The following TRAK1 variants were observed in gnomAD, a reference collection of about 807,000 sequenced individuals.
The protein encoded by TRAK1 is trafficking kinesin protein 1.
In TRAK1, 33 loss-of-function variants were observed where a neutral mutation model predicts 92.1. The observed-to-expected ratio is 0.36, with a 90% CI of 0.27 to 0.48. The LOEUF (loss-of-function observed/expected upper bound fraction) is 0.48. Among genes scored for constraint, TRAK1 ranks in the 20% least tolerant of loss-of-function variants. TRAK1 has a pLI of 0.99. For missense variants in TRAK1, 1,123 were observed against 1,257.9 expected, an observed-to-expected ratio of 0.89 and a Z score of 1.62; for synonymous variants, 521 against 517.3, an observed-to-expected ratio of 1.01 and a Z score of -0.10.
intron 13 of TRAK1, chr3:42,203,055 T>C: frequency 1.6e-6 from 2 of 1,239,024 alleles, no homozygotes; most frequent in South Asian, 8.1e-5. Context: ...AAATAAAAAC[T>C]TTTGTGGCGG....
At chr3:42,013,133 A>T (rs1286643695), upstream of TRAK1, among the ~76,000 whole-genome samples, 1 of 151,910 alleles carries the variant, frequency 6.6e-6, no homozygotes, top group Non-Finnish European at 1.5e-5. The surrounding 1 kb of genome is among the most constrained non-coding windows in gnomAD (Gnocchi z 5.1). Flanking sequence ...CCTGCCTGTC[A>T]CCCTTTGGTG....
chr3:42,153,234 T>C (rs1325322398), intron 2 of TRAK1, among the ~76,000 whole-genome samples: 1 of 151,938 alleles, frequency 6.6e-6, no homozygotes, highest in Non-Finnish European at 1.5e-5. Context: ...TGACATCCTG[T>C]CTGTACAAAA....
rs137952046 is a variant in TRAK1 at position 42,224,149 on chromosome 3, C to T, written c.*412C>T. 7,503 of 455,230 alleles carry T rather than the reference C, an allele frequency of 0.016. 108 individuals carry two copies. The highest frequency in any genetic ancestry group is 0.038 in the South Asian group (2,438 of 63,942). 28.2% of individuals were successfully genotyped at this position (455,230 alleles called of 1,614,324 possible). A position where few individuals can be genotyped will look rare whatever the true frequency, so the allele number is the denominator to read the frequency against. On this transcript the variant is annotated 3_prime_UTR_variant, in exon 16 of 16. Coordinates refer to ENST00000327628, the MANE Select transcript of TRAK1 (RefSeq NM_001042646.3). ...GCACACCACGAGCTGTCACGCGGCA[C>T]GGGTCATAACACATCTGGGTGTCAT...
intron 2 of TRAK1, among the ~76,000 whole-genome samples, chr3:42,169,693 G>A (rs75472375): frequency 6.6e-6 from 1 of 151,072 alleles, no homozygotes; most frequent in Non-Finnish European, 1.5e-5. Context: ...AAAAAGTGGG[G>A]ATAAAAGTAT....
intron 1 of TRAK1, among the ~76,000 whole-genome samples, chr3:42,105,625 C>T (rs1195457642): frequency 6.6e-6 from 1 of 152,128 alleles, no homozygotes; most frequent in African/African-American, 2.4e-5. Context: ...ACTTCCCCAA[C>T]CTAGCGAGGC....
At chr3:42,139,888 G>A (rs981027047) in intron 2 of TRAK1, among the ~76,000 whole-genome samples, 1 of 152,120 alleles carries the variant, frequency 6.6e-6, no homozygotes, top group Non-Finnish European at 1.5e-5. Flanking sequence ...ATACGGGGCC[G>A]TTTGAGCTTC....
intron 2 of TRAK1, among the ~76,000 whole-genome samples, chr3:42,136,969 G>A (rs11709083): frequency 0.49 from 74,050 of 152,024 alleles, 18,314 homozygotes; most frequent in South Asian, 0.61. Flanking sequence ...GTGAGCTACC[G>A]TGCCTGGACA....
intron 2 of TRAK1, among the ~76,000 whole-genome samples, chr3:42,174,159 G>C (rs940264076): frequency 6.6e-6 from 1 of 151,672 alleles, no homozygotes; most frequent in Non-Finnish European, 1.5e-5. Context: ...CCCAAGTTAG[G>C]ATTACAGGCA....
chr3:42,125,880 T>C (rs1257081073), intron 2 of TRAK1, among the ~76,000 whole-genome samples: 6 of 152,218 alleles, frequency 3.9e-5, no homozygotes, highest in Non-Finnish European at 7.3e-5. Context: ...AGATGGAGTC[T>C]AGCTCTCTTG....
At chr3:42,024,902 A>G (rs759100901) in intron 1 of TRAK1, among the ~76,000 whole-genome samples, 4 of 152,192 alleles carry the variant, frequency 2.6e-5, no homozygotes, top group Non-Finnish European at 5.9e-5. Context: ...CAGATTTTTC[A>G]GCTTCTCTTC....
intron 1 of TRAK1, among the ~76,000 whole-genome samples, chr3:42,099,319 G>A (rs1192768616): frequency 6.6e-6 from 1 of 152,098 alleles, no homozygotes; most frequent in African/African-American, 2.4e-5. Flanking sequence ...AGTCTCAAGC[G>A]AGCAAGGATT....
chr3:42,097,622 A>G (rs1706124806), intron 1 of TRAK1, among the ~76,000 whole-genome samples: 1 of 152,154 alleles, frequency 6.6e-6, no homozygotes, highest in Non-Finnish European at 1.5e-5. Context: ...TCATGGAGTG[A>G]TTGCCTCCAA....
At chr3:42,132,323 G>A (rs1373037592) in intron 2 of TRAK1, among the ~76,000 whole-genome samples, 1 of 149,566 alleles carries the variant, frequency 6.7e-6, no homozygotes, top group Non-Finnish European at 1.5e-5. Flanking sequence ...GAGTGCCTTG[G>A]TGCCATCTTG....
chr3:42,023,848 G>A (rs2148883525), intron 1 of TRAK1, among the ~76,000 whole-genome samples: 1 of 150,144 alleles, frequency 6.7e-6, no homozygotes, highest in Non-Finnish European at 1.5e-5. Flanking sequence ...CCGTCTCCCG[G>A]GTTCAAGCAA....
intron 6 of TRAK1, among the ~76,000 whole-genome samples, chr3:42,190,958 G>GGGCCTTCAC: frequency 6.6e-6 from 1 of 152,120 alleles, no homozygotes; most frequent in African/African-American, 2.4e-5. Flanking sequence ...TGGGCCTTCA[G>GGGCCTTCAC]ATCTCTATCA....
chr3:42,101,001 G>A (rs1706674696), intron 1 of TRAK1, among the ~76,000 whole-genome samples: 1 of 152,250 alleles, frequency 6.6e-6, no homozygotes, highest in South Asian at 2.1e-4. Flanking sequence ...CTGTGTGTTA[G>A]TCAAGTGTTG....
chr3:42,100,868 C>T (rs958244719), intron 1 of TRAK1, among the ~76,000 whole-genome samples: 1 of 151,858 alleles, frequency 6.6e-6, no homozygotes, highest in Non-Finnish European at 1.5e-5. Context: ...AGGGTTTCAC[C>T]ATATTGGCCA....
chr3:42,053,241 CGT>C (rs1470892781), intron 1 of TRAK1, among the ~76,000 whole-genome samples: 4 of 151,864 alleles, frequency 2.6e-5, no homozygotes, highest in Non-Finnish European at 5.9e-5. Context: ...GTTTACAGTT[CGT>C]GTAGTGTGAT....
At chr3:42,038,755 G>A (rs970857329) in intron 1 of TRAK1, among the ~76,000 whole-genome samples, 11 of 140,718 alleles carry the variant, frequency 7.8e-5, no homozygotes, top group Admixed American at 2.2e-4. Flanking sequence ...GCCATTGCAC[G>A]CCAGCCTGGG....
Sources: gnomAD v4.1 joint callset for allele counts (sites outside exome capture counted in the v4.1 genomes callset) on GRCh38, gnomAD v4.1.1 for gene constraint, Gnocchi (gnomAD v3.1) non-coding constraint, MANE v1.5 for transcripts, NCBI Gene and HGNC (gene_info 2026-07-23, HGNC 2026-07-21) for gene names.